Variants in PRSS23 observed in about 807,000 individuals in gnomAD.
PRSS23 encodes protease, serine 23.
A neutral mutation model predicts 34.7 loss-of-function variants in PRSS23; 25 were observed. The ratio of observed to expected loss-of-function variants is 0.72; its 90% CI spans 0.53 to 1.01. The LOEUF (loss-of-function observed/expected upper bound fraction) is 1.01, where lower values mean the gene tolerates loss of function less well. Among genes scored for constraint, PRSS23 ranks in the 50% least tolerant of loss-of-function variants. PRSS23 has a pLI of 0.00. For missense variants in PRSS23, 445 were observed against 475.6 expected (o/e 0.94, Z 0.60); for synonymous variants, 176 against 186.6 (o/e 0.94, Z 0.46).
At chr11:86,867,313 T>C (rs1948655832) in intron 2 of PRSS23, among the ~76,000 whole-genome samples, 1 of 152,218 alleles carries the variant, frequency 6.6e-6, no homozygotes, top group Non-Finnish European at 1.5e-5. Flanking sequence ...TGCCTCTGTG[T>C]TCCCACAATG....
intron 2 of PRSS23, among the ~76,000 whole-genome samples, chr11:86,865,255 A>G (rs1309708176): frequency 1.3e-5 from 2 of 152,188 alleles, no homozygotes; most frequent in Non-Finnish European, 2.9e-5. Flanking sequence ...TCCCAGTTCT[A>G]CTATATGTGG....
At chr11:86,838,245 G>A (rs1053957432) in intron 2 of PRSS23, among the ~76,000 whole-genome samples, 3 of 151,932 alleles carry the variant, frequency 2.0e-5, no homozygotes, top group Non-Finnish European at 2.9e-5. Context: ...AAAGAGAAAC[G>A]GTACACTCTT....
At chr11:86,872,574 G>A (rs1026000254) in intron 2 of PRSS23, among the ~76,000 whole-genome samples, 1 of 152,154 alleles carries the variant, frequency 6.6e-6, no homozygotes, top group African/African-American at 2.4e-5. Flanking sequence ...CCAGCATCTA[G>A]CACATAGTAT....
intron 2 of PRSS23, among the ~76,000 whole-genome samples, chr11:86,875,239 C>T (rs1490395714): frequency 2.0e-5 from 3 of 152,060 alleles, no homozygotes; most frequent in African/African-American, 4.8e-5. Context: ...GGTGTGGTGG[C>T]GGGTGCCTGT....
At chr11:86,859,883 GGAT>G (rs1181329481) in intron 2 of PRSS23, among the ~76,000 whole-genome samples, 1 of 151,928 alleles carries the variant, frequency 6.6e-6, no homozygotes, top group Non-Finnish European at 1.5e-5. Context: ...ATGGGGGAGA[GGAT>G]GATATTACTC....
chr11:86,822,465 C>G (rs1005017298), intron 1 of PRSS23, among the ~76,000 whole-genome samples: 2 of 151,810 alleles, frequency 1.3e-5, no homozygotes, highest in African/African-American at 2.4e-5. Context: ...AACACAACAT[C>G]GAAAAATTAG....
At chr11:86,794,215 A>G (rs1947967459) in intron 1 of PRSS23, among the ~76,000 whole-genome samples, 1 of 152,138 alleles carries the variant, frequency 6.6e-6, no homozygotes, top group African/African-American at 2.4e-5. Flanking sequence ...AAGATTTCAG[A>G]AAAAAAATTT....
intron 2 of PRSS23, chr11:86,833,091 C>A (rs555113824): frequency 3.3e-6 from 2 of 603,808 alleles, no homozygotes; most frequent in African/African-American, 1.8e-5. Flanking sequence ...GGCTACAAAC[C>A]GGTCATAGGC....
At chr11:86,923,450 A>G (rs1235138481) in intron 2 of PRSS23, among the ~76,000 whole-genome samples, 2 of 152,154 alleles carry the variant, frequency 1.3e-5, no homozygotes, top group Admixed American at 1.3e-4. Context: ...TTTAAATTAC[A>G]TGTATGGCTT....
chr11:86,875,142 A>T (rs746512640), intron 2 of PRSS23, among the ~76,000 whole-genome samples: 9 of 152,216 alleles, frequency 5.9e-5, no homozygotes, highest in African/African-American at 9.6e-5. Context: ...AGCACAAGCC[A>T]CCTACATTCA....
At chr11:86,874,727 G>A (rs1948710995) in intron 2 of PRSS23, among the ~76,000 whole-genome samples, 1 of 152,192 alleles carries the variant, frequency 6.6e-6, no homozygotes, top group South Asian at 2.1e-4. Context: ...ATGCCTGTGG[G>A]TTCTGTGGGT....
At chr11:86,863,671 CACTT>C (rs900574627) in intron 2 of PRSS23, among the ~76,000 whole-genome samples, 52 of 152,202 alleles carry the variant, frequency 3.4e-4, no homozygotes, top group African/African-American at 1.2e-3. Flanking sequence ...CTTTACTTTC[CACTT>C]ACCAGATTTT....
At chr11:86,943,059 A>T (rs915788938) in intron 2 of PRSS23, among the ~76,000 whole-genome samples, 2 of 152,112 alleles carry the variant, frequency 1.3e-5, no homozygotes, top group Non-Finnish European at 2.9e-5. Context: ...AATGCTAAAA[A>T]CCCTTGGGTC....
At chr11:86,887,599 G>C (rs1948811526) in intron 2 of PRSS23, among the ~76,000 whole-genome samples, 1 of 152,130 alleles carries the variant, frequency 6.6e-6, no homozygotes, top group Non-Finnish European at 1.5e-5. Context: ...CACTGTGAAA[G>C]AATATTATAA....
At chr11:86,881,735 T>C (rs947887444) in intron 2 of PRSS23, among the ~76,000 whole-genome samples, 2 of 152,186 alleles carry the variant, frequency 1.3e-5, no homozygotes, top group African/African-American at 4.8e-5. Flanking sequence ...GGACTTTTCT[T>C]TGTGGGAAGT....
intron 2 of PRSS23, among the ~76,000 whole-genome samples, chr11:86,929,623 C>T (rs888891240): frequency 1.3e-5 from 2 of 152,130 alleles, no homozygotes; most frequent in African/African-American, 2.4e-5. Flanking sequence ...AGCGAGACTC[C>T]GTCTCAAAAA....
intron 2 of PRSS23, among the ~76,000 whole-genome samples, chr11:86,833,672 C>T (rs186173147): frequency 3.3e-5 from 5 of 152,198 alleles, no homozygotes; most frequent in Non-Finnish European, 7.4e-5. Flanking sequence ...GCCTAATTAG[C>T]ATTTTAGTAA....
intron 2 of PRSS23, among the ~76,000 whole-genome samples, chr11:86,859,923 C>A (rs946715723): frequency 6.6e-6 from 1 of 151,922 alleles, no homozygotes; most frequent in African/African-American, 2.4e-5. Context: ...TATACACACC[C>A]CCGTGATATT....
exon 3 of PRSS23, chr11:86,951,735 C>T: frequency 6.2e-7 from 1 of 1,614,192 alleles, no homozygotes; most frequent in Non-Finnish European, 8.5e-7. Context: ...CTGTGCATTT[C>T]AATGGCTTCA....
Sources: allele counts gnomAD v4.1 joint callset (sites outside exome capture counted in the v4.1 genomes callset), GRCh38; gene constraint gnomAD v4.1.1; transcripts MANE v1.5; gene names NCBI Gene and HGNC (gene_info 2026-07-23, HGNC 2026-07-21).